Variants in PTPRD observed in about 807,000 individuals in gnomAD.
PTPRD encodes receptor-type tyrosine-protein phosphatase delta.
In PTPRD, 34 loss-of-function variants were observed where a neutral mutation model predicts 214.5. That is an observed-to-expected ratio of 0.16 (90% CI 0.12 to 0.21). The LOEUF is 0.21. PTPRD is among the 10% of genes least tolerant of loss of function. The pLI, the probability that PTPRD is intolerant of heterozygous loss-of-function variation, is 1.00. For missense variants in PTPRD, 2,545 were observed against 2,398.7 expected, an observed-to-expected ratio of 1.06 and a Z score of -1.27; for synonymous variants, 1,128 against 845.7, an observed-to-expected ratio of 1.33 and a Z score of -5.79.
intron 26 of PTPRD, among the ~76,000 whole-genome samples, chr9:8,495,198 A>T (rs1035187296): frequency 6.6e-6 from 1 of 152,190 alleles, no homozygotes; most frequent in African/African-American, 2.4e-5. Context: ...CTTCAAGTTC[A>T]AATGAACTAA....
chr9:9,602,672 G>C (rs924252734), intron 7 of PTPRD, among the ~76,000 whole-genome samples: 3 of 151,692 alleles, frequency 2.0e-5, no homozygotes, highest in African/African-American at 7.3e-5. Flanking sequence ...GCATTCTTTT[G>C]TTGTGATGGA....
At chr9:10,373,248 C>G (rs1020073700) in intron 2 of PTPRD, among the ~76,000 whole-genome samples, 6 of 151,324 alleles carry the variant, frequency 4.0e-5, no homozygotes, top group Admixed American at 4.0e-4. Context: ...GTGAGTAAAA[C>G]CAATAAAAGT....
intron 4 of PTPRD, among the ~76,000 whole-genome samples, chr9:10,026,207 C>G (rs1252039276): frequency 4.6e-5 from 7 of 152,096 alleles, no homozygotes; most frequent in Non-Finnish European, 8.8e-5. Context: ...TGTCCCAAAG[C>G]CAAACATTCT....
chr9:8,657,434 G>A (rs2096934283), intron 12 of PTPRD, among the ~76,000 whole-genome samples: 1 of 152,116 alleles, frequency 6.6e-6, no homozygotes, highest in Admixed American at 6.5e-5. Flanking sequence ...CCCCCAAAGT[G>A]CTGGGATTAC....
intron 26 of PTPRD, among the ~76,000 whole-genome samples, chr9:8,495,815 G>T (rs1052252530): frequency 3.3e-5 from 5 of 152,156 alleles, no homozygotes; most frequent in African/African-American, 4.8e-5. Flanking sequence ...ACAGTTACAA[G>T]ATTCCCAACA....
intron 8 of PTPRD, among the ~76,000 whole-genome samples, chr9:9,486,747 C>A (rs897286066): frequency 1.3e-5 from 2 of 152,156 alleles, no homozygotes; most frequent in African/African-American, 4.8e-5. Context: ...TTCATTGAAT[C>A]TAGGATACAC....
At chr9:8,722,570 C>G (rs534924239) in intron 12 of PTPRD, among the ~76,000 whole-genome samples, 2 of 151,904 alleles carry the variant, frequency 1.3e-5, no homozygotes, top group Non-Finnish European at 2.9e-5. Flanking sequence ...TATATAGGGA[C>G]TTCAACAAAT....
rs192042628 is a variant in PTPRD, at chr9:10,189,162, G to A, written c.-545+151801C>T. 1.1e-4 allele frequency among the ~76,000 whole-genome samples: 16 copies of A among 152,182 alleles called. No homozygotes were observed. The East Asian group carries it at 1.5e-3, about 15-fold the overall frequency. On this transcript the variant is annotated intron_variant, in intron 3 of 45. Coordinates refer to ENST00000381196, the MANE Select transcript of PTPRD (RefSeq NM_002839.4). ...TATGAATAAATGCTTTGGACTGGTC[G>A]CCCTGGAGTTTAGTGCTTCTTTCTT...
rs115937950 is a variant in PTPRD, at chr9:9,316,315, T to C, written c.-203+81134A>G. 1.2e-3 allele frequency among the ~76,000 whole-genome samples: 181 copies of C among 152,186 alleles called. 2 individuals carry two copies. Among genetic ancestry groups the C allele is most frequent in the African/African-American group, 4.2e-3 (176 of 41,550 alleles). ...TACAATATCTGACAAGCAAACAGTT[T>C]CCTAAATATGAACTGATTGAATTGC... On this transcript the variant is annotated intron_variant, in intron 9 of 45. Coordinates refer to ENST00000381196, the MANE Select transcript of PTPRD (RefSeq NM_002839.4).
chr9:9,046,913 G>C (rs62531120), intron 10 of PTPRD, among the ~76,000 whole-genome samples: 9,664 of 152,154 alleles, frequency 0.064, 320 homozygotes, highest in Middle Eastern at 0.088. Flanking sequence ...GGAAGTCTTA[G>C]CTAGAGCAAT....
At chr9:10,096,590 G>GT in intron 3 of PTPRD, among the ~76,000 whole-genome samples, 1 of 151,860 alleles carries the variant, frequency 6.6e-6, no homozygotes, top group South Asian at 2.1e-4. Flanking sequence ...GGGGTTTTTT[G>GT]TTTTTTTCTT....
At chr9:9,081,772 T>C (rs547387130) in intron 10 of PTPRD, among the ~76,000 whole-genome samples, 2 of 152,042 alleles carry the variant, frequency 1.3e-5, no homozygotes, top group African/African-American at 4.8e-5. Context: ...TCTTTTTTGA[T>C]CTTTGTTGGT....
At chr9:9,052,849 C>A (rs765900650) in intron 10 of PTPRD, among the ~76,000 whole-genome samples, 18 of 152,062 alleles carry the variant, frequency 1.2e-4, no homozygotes, top group African/African-American at 3.6e-4. Context: ...ATCTTCTAGG[C>A]AGAATAAAGT....
chr9:9,960,387 A>G (rs1020778332), intron 4 of PTPRD, among the ~76,000 whole-genome samples: 4 of 152,168 alleles, frequency 2.6e-5, no homozygotes, highest in Admixed American at 6.5e-5. Flanking sequence ...CTATCTCAAG[A>G]AAGTGGAGCG....
chr9:10,164,766 T>C (rs2099148988), intron 3 of PTPRD, among the ~76,000 whole-genome samples: 1 of 151,356 alleles, frequency 6.6e-6, no homozygotes, highest in Non-Finnish European at 1.5e-5. Flanking sequence ...GTTTGATGAG[T>C]TAACAACTAA....
intron 14 of PTPRD, among the ~76,000 whole-genome samples, chr9:8,609,200 G>A (rs904053471): frequency 2.6e-5 from 4 of 152,212 alleles, no homozygotes; most frequent in Admixed American, 2.6e-4. Flanking sequence ...ATTCCGGGAA[G>A]ATGAGACATA....
At chr9:9,007,236 T>C (rs917820051) in intron 11 of PTPRD, among the ~76,000 whole-genome samples, 3 of 151,332 alleles carry the variant, frequency 2.0e-5, no homozygotes, top group Non-Finnish European at 4.4e-5. Context: ...AAAAATTTAA[T>C]TTCGATAGAC....
chr9:8,806,153 G>C (rs1452963410), intron 11 of PTPRD, among the ~76,000 whole-genome samples: 1 of 150,814 alleles, frequency 6.6e-6, no homozygotes, highest in Non-Finnish European at 1.5e-5. Context: ...TCGAACTCCT[G>C]ATCTCAGGTG....
intron 5 of PTPRD, among the ~76,000 whole-genome samples, chr9:9,907,320 T>C (rs1030965033): frequency 6.6e-6 from 1 of 151,962 alleles, no homozygotes; most frequent in Non-Finnish European, 1.5e-5. Flanking sequence ...ATTAGTCTGC[T>C]AGGGCCGTCA....
Sources: gnomAD v4.1 joint callset for allele counts (sites outside exome capture counted in the v4.1 genomes callset) on GRCh38, gnomAD v4.1.1 for gene constraint, MANE v1.5 for transcripts, NCBI Gene and HGNC (gene_info 2026-07-23, HGNC 2026-07-21) for gene names.